Variants in LRRC27 observed in about 807,000 individuals in gnomAD.
LRRC27 encodes leucine-rich repeat-containing protein 27.
Under a neutral mutation model 55.0 loss-of-function variants are expected in LRRC27, and 57 were observed. That is an observed-to-expected ratio of 1.04 (90% CI 0.84 to 1.29). The LOEUF (loss-of-function observed/expected upper bound fraction) is 1.29. Ranked by LOEUF, LRRC27 falls within the 50% of genes most tolerant of loss-of-function variation. The probability of loss-of-function intolerance (pLI) is 0.00; values close to 1 mark genes in which losing one functional copy is unlikely to be tolerated. For synonymous variants in LRRC27, 278 were observed against 251.9 expected (o/e 1.10, Z -0.98); for missense variants, 721 against 651.5 (o/e 1.11, Z -1.16).
chr10:132,370,972 G>A (rs577591109), intron 10 of LRRC27, among the ~76,000 whole-genome samples: 4 of 152,348 alleles, frequency 2.6e-5, no homozygotes, highest in South Asian at 2.1e-4. Context: ...CCGCAGCAGC[G>A]TTAGAGACGA....
intron 9 of LRRC27, among the ~76,000 whole-genome samples, chr10:132,363,747 G>A (rs776571786): frequency 3.3e-5 from 5 of 152,150 alleles, no homozygotes; most frequent in Non-Finnish European, 5.9e-5. Context: ...ACGTCTGCCA[G>A]GGGGCTCCCC....
intron 8 of LRRC27, 52 bp downstream of exon 8, chr10:132,355,938 T>G (rs1339903391): frequency 7.5e-7 from 1 of 1,340,964 alleles, no homozygotes; most frequent in South Asian, 1.3e-5. Flanking sequence ...CGGGGGTGGG[T>G]GGGTGCTCAC....
At chr10:132,347,178 G>T (rs2067744685) in intron 5 of LRRC27, among the ~76,000 whole-genome samples, 1 of 152,272 alleles carries the variant, frequency 6.6e-6, no homozygotes, top group Admixed American at 6.5e-5. Context: ...TGATCTGAGG[G>T]GAAGCAGAAA....
rs570768426 is a variant in LRRC27, at chr10:132,373,536, C to T, written c.1417-1530C>T. Among the ~76,000 whole-genome samples the T allele has an allele frequency of 3.3e-4, 51 of 152,284 alleles. No homozygotes were observed. In the South Asian group the frequency reaches 0.011, roughly 32 times the overall value. On this transcript the variant is annotated intron_variant, in intron 10 of 10. Coordinates refer to ENST00000368614, the MANE Select transcript of LRRC27 (RefSeq NM_030626.3). ...CGGTGATGGCACTGCCCTCAGCAGGCGCCGGGATTCGGTACTCCCATTGCA... is the reference window on the plus strand; with the variant it reads ...CGGTGATGGCACTGCCCTCAGCAGGTGCCGGGATTCGGTACTCCCATTGCA...
intron 5 of LRRC27, chr10:132,344,944 G>A (rs11146339): frequency 0.15 from 36,835 of 252,980 alleles, 3,286 homozygotes; most frequent in East Asian, 0.37. Context: ...ACCCGCAGGC[G>A]GCTGCTTCAG....
chr10:132,349,108 G>A (rs565706800), intron 6 of LRRC27: 111 of 1,236,716 alleles, frequency 9.0e-5, no homozygotes, highest in Non-Finnish European at 7.5e-5. Context: ...GTGTGTGCCT[G>A]TGTGTGTGTA....
chr10:132,354,750 C>T (rs2068228286), intron 7 of LRRC27, among the ~76,000 whole-genome samples: 1 of 152,160 alleles, frequency 6.6e-6, no homozygotes, highest in African/African-American at 2.4e-5. Flanking sequence ...CGGGTGGAGG[C>T]GTCGAGGAAA....
intron 2 of LRRC27, chr10:132,334,962 T>C (rs1341869751): frequency 3.9e-5 from 6 of 152,256 alleles, no homozygotes; most frequent in Non-Finnish European, 8.8e-5. Context: ...AGTGGTAGAC[T>C]TTCTGCCGCT....
intron 10 of LRRC27, among the ~76,000 whole-genome samples, chr10:132,370,707 A>G (rs1041260669): frequency 7.2e-5 from 11 of 152,186 alleles, no homozygotes; most frequent in African/African-American, 2.7e-4. Context: ...AACGATCTTA[A>G]TTATGCTTTT....
chr10:132,364,637 T>TTAA, intron 9 of LRRC27, among the ~76,000 whole-genome samples: 1 of 38,490 alleles, frequency 2.6e-5, no homozygotes, highest in African/African-American at 9.4e-5. Flanking sequence ...ACGCCCACAC[T>TTAA]TAACACCCAC....
At chr10:132,336,778 GT>G (rs571949620) in intron 2 of LRRC27, 1 of 772,534 alleles carries the variant, frequency 1.3e-6, no homozygotes, top group Non-Finnish European at 2.4e-6. Flanking sequence ...CCGAACATCT[GT>G]TTCTACTCCC....
intron 8 of LRRC27, among the ~76,000 whole-genome samples, chr10:132,356,359 T>C (rs2068312721): frequency 6.6e-6 from 1 of 152,172 alleles, no homozygotes; most frequent in African/African-American, 2.4e-5. Context: ...AAGCCAAGAT[T>C]GCCAGCTCTT....
Position 132,342,219 on chromosome 10 carries a change from G to A in LRRC27, c.348G>A (p.Leu116=). The change falls in exon 4 of 11, where the codon TTG becomes TTA. Residue 116 remains leucine (L), a synonymous_variant. Coordinates refer to ENST00000368614, the MANE Select transcript of LRRC27 (RefSeq NM_030626.3). ...LPSGIGAHQH[L]KTLLLERNPI... ...GTTTTGTTTTGCTTTAAAGGCATTT[G>A]AAAACTTTGCTTTTAGAAAGAAATC... 1 of 1,549,242 alleles carries A rather than the reference G, an allele frequency of 6.5e-7. No homozygotes were observed.
intron 3 of LRRC27, 24 bp downstream of exon 3, chr10:132,337,719 T>G (rs776108011): frequency 6.2e-7 from 1 of 1,610,826 alleles, no homozygotes; most frequent in South Asian, 1.1e-5. Flanking sequence ...GTTTCCAGAT[T>G]TTAAAAATCA....
chr10:132,361,766 C>T (rs1468057307), intron 9 of LRRC27, among the ~76,000 whole-genome samples, 191 bp downstream of exon 9: 2 of 152,166 alleles, frequency 1.3e-5, no homozygotes, highest in East Asian at 3.9e-4. Context: ...AAGATGGGGT[C>T]CTTGCCCTCA....
Position 132,372,137 on chromosome 10 carries a change from G to A in LRRC27, c.1417-2929G>A, listed in dbSNP as rs566813164. 2.6e-5 allele frequency among the ~76,000 whole-genome samples: 4 copies of A among 151,972 alleles called. No homozygotes were observed. Among genetic ancestry groups the A allele is most frequent in the South Asian group, 2.1e-4 (1 of 4,794 alleles). On this transcript the variant is annotated intron_variant, in intron 10 of 10. Coordinates refer to ENST00000368614, the MANE Select transcript of LRRC27 (RefSeq NM_030626.3). The surrounding 1 kb of genome is among the most constrained non-coding windows in gnomAD (Gnocchi z 4.0). ...TGGGGGTCGGGGTGCGGTGGCTCAC[G>A]CCTGCAATCCCAGTTGAAAAGCACA... is the stretch of plus-strand genomic sequence containing the variant.
intron 7 of LRRC27, among the ~76,000 whole-genome samples, 155 bp downstream of exon 7, chr10:132,351,908 C>G (rs796863762): frequency 6.6e-6 from 1 of 152,246 alleles, no homozygotes; most frequent in African/African-American, 2.4e-5. Flanking sequence ...ACCTGGAAGC[C>G]GAGCTGCACG....
At position 132,348,525 on chromosome 10, in the gene LRRC27, C is replaced by G. The variant is rs979902185; in HGVS notation, c.926+169C>G. 1.3e-5 allele frequency among the ~76,000 whole-genome samples: 2 copies of G among 152,204 alleles called. No individual in the cohort carries two copies. The highest frequency in any genetic ancestry group is 2.4e-5 in the African/African-American group (1 of 41,450). On this transcript the variant is annotated intron_variant, in intron 6 of 10. Transcript: ENST00000368614. This position sits in a 1 kb window ranked among gnomAD's most constrained non-coding sequence, Gnocchi z 4.2. ...GGTTTAGGGTAACGGGGACCCGCAT[C>G]AAGCCCGGAGCATCTGCGGCAGAGC...
chr10:132,336,300 C>T (rs1349387981), intron 2 of LRRC27, among the ~76,000 whole-genome samples: 1 of 152,214 alleles, frequency 6.6e-6, no homozygotes, highest in African/African-American at 2.4e-5. Flanking sequence ...ATGCACATGC[C>T]TGTATGTGGG....
Sources: allele counts gnomAD v4.1 joint callset (sites outside exome capture counted in the v4.1 genomes callset), GRCh38; gene constraint gnomAD v4.1.1; non-coding constraint Gnocchi (gnomAD v3.1); transcripts MANE v1.5; gene names NCBI Gene and HGNC (gene_info 2026-07-23, HGNC 2026-07-21).